TSPAN9: variants seen among roughly 807,000 people sequenced by gnomAD.
The protein encoded by TSPAN9 is tetraspanin 9.
In TSPAN9, 16 loss-of-function variants were observed where a neutral mutation model predicts 31.0. The observed-to-expected ratio is 0.52, with a 90% CI of 0.35 to 0.78. The LOEUF (loss-of-function observed/expected upper bound fraction) is 0.78, where lower values mean the gene tolerates loss of function less well. Among genes scored for constraint, TSPAN9 ranks in the 30% least tolerant of loss-of-function variants. TSPAN9 has a pLI of 0.01. For synonymous variants in TSPAN9, 145 were observed against 121.6 expected (o/e 1.19, Z -1.27); for missense variants, 272 against 312.5 (o/e 0.87, Z 0.98).
At chr12:3,271,849 C>T (rs567841849) in intron 3 of TSPAN9, among the ~76,000 whole-genome samples, 2 of 152,286 alleles carry the variant, frequency 1.3e-5, no homozygotes, top group South Asian at 2.1e-4. Context: ...GCAGCGGCTG[C>T]GCTCCTGGCA....
chr12:3,176,768 C>G (rs1438507598), intron 2 of TSPAN9, among the ~76,000 whole-genome samples: 1 of 152,244 alleles, frequency 6.6e-6, no homozygotes, highest in Non-Finnish European at 1.5e-5. Flanking sequence ...TTTACATCAT[C>G]TGCCTCCACA....
intron 2 of TSPAN9, among the ~76,000 whole-genome samples, chr12:3,093,212 G>C (rs1323009241): frequency 6.6e-6 from 1 of 152,228 alleles, no homozygotes; most frequent in East Asian, 1.9e-4. Flanking sequence ...ATGGCAGTCT[G>C]GTTTCCTGGG....
intron 3 of TSPAN9, among the ~76,000 whole-genome samples, chr12:3,276,087 G>A (rs571040484): frequency 7.0e-4 from 107 of 152,248 alleles, no homozygotes; most frequent in Middle Eastern, 3.4e-3. Flanking sequence ...AGAGAGGCTC[G>A]CAATTAGGCA....
chr12:3,218,040 C>T (rs2098382258), intron 3 of TSPAN9, among the ~76,000 whole-genome samples: 1 of 152,062 alleles, frequency 6.6e-6, no homozygotes. Flanking sequence ...CTGAGTTTTG[C>T]ATGGGATAAT....
chr12:3,201,006 C>T, intron 2 of TSPAN9, 171 bp from the exon 3 acceptor site: 3 of 610,716 alleles, frequency 4.9e-6, no homozygotes, highest in South Asian at 2.0e-5. Flanking sequence ...AAGCCGTCCA[C>T]CTCCGGCCGC....
chr12:3,212,695 C>T (rs1159470383), intron 3 of TSPAN9, among the ~76,000 whole-genome samples: 11 of 152,116 alleles, frequency 7.2e-5, no homozygotes, highest in Non-Finnish European at 1.2e-4. Context: ...TGGAGGAGCC[C>T]GCTAGCCAGC....
chr12:3,080,108 C>T (rs893080304), intron 1 of TSPAN9, among the ~76,000 whole-genome samples: 1 of 152,020 alleles, frequency 6.6e-6, no homozygotes, highest in Non-Finnish European at 1.5e-5. Context: ...TATGTTGAGC[C>T]TTGTCTTCAC....
rs2098316244 is a variant in TSPAN9, at chr12:3,109,025, T to C, written c.-18+25306T>C. ...ATCTCCGCTCACTGCAAGCTCCGCC[T>C]CTCGGGTTTACACCATTCTCCTGTC... On this transcript the variant is annotated intron_variant, in intron 2 of 8. Transcript: ENST00000011898. Among the ~76,000 whole-genome samples, 8 of 152,076 alleles carry C rather than the reference T, an allele frequency of 5.3e-5. No individual in the cohort carries two copies. The South Asian group carries it at 1.7e-3, about 32-fold the overall frequency.
chr12:3,132,395 TGAGGGTTCCAATTTC>T (rs1244352632), intron 2 of TSPAN9, among the ~76,000 whole-genome samples: 1 of 152,172 alleles, frequency 6.6e-6, no homozygotes, highest in Non-Finnish European at 1.5e-5. Context: ...CGGCAACGCA[TGAGGGTTCCAATTTC>T]TCCACATCCT....
chr12:3,268,727 T>C (rs1384119730), intron 3 of TSPAN9, among the ~76,000 whole-genome samples: 1 of 102,900 alleles, frequency 9.7e-6, no homozygotes, highest in African/African-American at 4.0e-5. Flanking sequence ...CAGCCTGCCC[T>C]CCCTGTGTTC....
rs1565645498 is a variant in TSPAN9, at chr12:3,281,343, T to A, written c.564+14T>A. 1 of 1,544,816 alleles carries A rather than the reference T, an allele frequency of 6.5e-7. No homozygotes were observed. The highest frequency in any genetic ancestry group is 2.0e-5 in the Admixed American group (1 of 50,248). Reference sequence around the variant, plus strand: ...TTGTGGAGAACGGTGAGGCTGGGGATGGACCGCTTGGGTCCAAGAGCCCGT... The same window carrying A: ...TTGTGGAGAACGGTGAGGCTGGGGAAGGACCGCTTGGGTCCAAGAGCCCGT... On this transcript the variant is annotated intron_variant, in intron 7 of 8. Transcript: ENST00000011898.
chr12:3,272,141 G>A (rs944276644), intron 3 of TSPAN9, among the ~76,000 whole-genome samples: 34 of 152,200 alleles, frequency 2.2e-4, no homozygotes, highest in African/African-American at 8.0e-4. Flanking sequence ...CAGGTCAGGG[G>A]CCACCAGTGA....
intron 2 of TSPAN9, among the ~76,000 whole-genome samples, chr12:3,090,086 A>G (rs956892321): frequency 2.6e-5 from 4 of 152,174 alleles, no homozygotes; most frequent in Non-Finnish European, 4.4e-5. Context: ...ATATTTCTGG[A>G]TAGACTAGCA....
intron 3 of TSPAN9, among the ~76,000 whole-genome samples, chr12:3,246,963 A>T (rs974980330): frequency 1.3e-5 from 2 of 152,144 alleles, no homozygotes; most frequent in Non-Finnish European, 2.9e-5. Context: ...ATTTTCTGCA[A>T]TGTGCTTTTG....
rs953445268 is a variant in TSPAN9 at position 3,285,642 on chromosome 12, C to G, written c.*2526C>G. On this transcript the variant is annotated 3_prime_UTR_variant, in exon 9 of 9. Transcript: ENST00000011898. ...AGCGATGCCAGTGAAGGTGGCACAG[C>G]CTCTCTTCAGTTTCTCCTGACTGTG... 4 of 152,222 alleles carry G rather than the reference C, an allele frequency of 2.6e-5. No individual in the cohort carries two copies. The highest frequency in any genetic ancestry group is 4.4e-5 in the Non-Finnish European group (3 of 68,052). The allele number at this position is 152,222 out of a possible 1,614,324, so 9.4% of individuals were successfully genotyped here.
intron 2 of TSPAN9, among the ~76,000 whole-genome samples, chr12:3,138,567 C>G (rs931730854): frequency 3.9e-5 from 6 of 151,948 alleles, no homozygotes; most frequent in African/African-American, 1.5e-4. Context: ...AAGTGATCCT[C>G]CCTCCTCAGA....
At chr12:3,117,508 T>C (rs971620042) in intron 2 of TSPAN9, among the ~76,000 whole-genome samples, 3 of 152,042 alleles carry the variant, frequency 2.0e-5, no homozygotes, top group Non-Finnish European at 2.9e-5. Context: ...GTCCCTCTGC[T>C]GCTGCCCGTG....
At chr12:3,156,975 T>A (rs370770436) in intron 2 of TSPAN9, among the ~76,000 whole-genome samples, 3 of 152,316 alleles carry the variant, frequency 2.0e-5, no homozygotes, top group African/African-American at 7.2e-5. Context: ...TGAGTAACTA[T>A]AGTATTGATA....
intron 2 of TSPAN9, among the ~76,000 whole-genome samples, chr12:3,160,296 C>G (rs12099733): frequency 0.028 from 4,280 of 152,264 alleles, 209 homozygotes; most frequent in African/African-American, 0.097. Context: ...TTTGATTACG[C>G]AATAATATTT....
Sources: gnomAD v4.1 joint callset for allele counts (sites outside exome capture counted in the v4.1 genomes callset) on GRCh38, gnomAD v4.1.1 for gene constraint, MANE v1.5 for transcripts, NCBI Gene and HGNC (gene_info 2026-07-23, HGNC 2026-07-21) for gene names.